The following PTN variants were observed in gnomAD, a reference collection of about 807,000 sequenced individuals.
PTN encodes the protein heparin affin regulatory protein.
A neutral mutation model predicts 24.1 loss-of-function variants in PTN; 18 were observed. That is an observed-to-expected ratio of 0.75 (90% CI 0.52 to 1.11). The LOEUF (loss-of-function observed/expected upper bound fraction) is 1.11, where lower values mean the gene tolerates loss of function less well. Ranked by LOEUF, PTN falls within the 50% of genes least tolerant of loss-of-function variation. The pLI is 0.00. For missense variants in PTN, 163 were observed against 198.8 expected (o/e 0.82, Z 1.08); for synonymous variants, 78 against 68.6 (o/e 1.14, Z -0.67).
Position 137,253,566 on chromosome 7 carries a change from C to T in PTN, c.187G>A (p.Gly63Arg). 1 of 1,612,144 alleles carries T rather than the reference C, an allele frequency of 6.2e-7. No individual in the cohort carries two copies. Among genetic ancestry groups the T allele is most frequent in the Non-Finnish European group, 8.5e-7 (1 of 1,179,078 alleles). Reference protein sequence around the residue: ...SVCVPTSGDCGLGTREGTRTG... With the variant: ...SVCVPTSGDCRLGTREGTRTG... ...CGAGTGCCCTCCCGTGTGCCCAGCC[C>T]ACAGTCTCCACTGGTGGGCACACAC... The change falls in exon 3 of 5, where the codon GGG becomes AGG. Residue 63 changes from glycine to arginine, a missense_variant. By Grantham distance (125) the Gly-to-Arg change is moderately radical. Coordinates refer to ENST00000348225, the MANE Select transcript of PTN (RefSeq NM_002825.7).
intron 1 of PTN, among the ~76,000 whole-genome samples, chr7:137,290,104 ATG>A (rs1276250901): frequency 2.0e-5 from 3 of 152,156 alleles, no homozygotes; most frequent in Admixed American, 6.6e-5. Flanking sequence ...TCTTACATGG[ATG>A]GCAGCAGCCA....
At chr7:137,229,383 C>T (rs1337900976) in intron 4 of PTN, among the ~76,000 whole-genome samples, 1 of 151,656 alleles carries the variant, frequency 6.6e-6, no homozygotes, top group Admixed American at 6.6e-5. Flanking sequence ...CAGCCTGTGT[C>T]CAAGAGGACC....
intron 1 of PTN, among the ~76,000 whole-genome samples, chr7:137,333,681 G>GA (rs1473678098): frequency 6.6e-6 from 1 of 152,016 alleles, no homozygotes; most frequent in Non-Finnish European, 1.5e-5. Context: ...CACAGAATTG[G>GA]AAAAAACTAC....
Position 137,227,480 on chromosome 7 carries a change from A to T in PTN, c.*540T>A, listed in dbSNP as rs1368022152. The stretch of plus-strand genomic sequence containing the variant: ...AATGCTTTTCTTTAAAAAAAAAAAA[A>T]GTCAACATTGAACTAGGACATGCTC... On this transcript the variant is annotated 3_prime_UTR_variant, in exon 5 of 5. Transcript: ENST00000348225. 1 of 150,508 alleles carries T rather than the reference A, an allele frequency of 6.6e-6. No individual in the cohort carries two copies. Among genetic ancestry groups the T allele is most frequent in the African/African-American group, 2.4e-5 (1 of 40,836 alleles). The allele number at this position is 150,508 out of a possible 1,614,324, so 9.3% of individuals were successfully genotyped here.
At chr7:137,320,165 A>G (rs1304725898) in intron 1 of PTN, among the ~76,000 whole-genome samples, 3 of 152,212 alleles carry the variant, frequency 2.0e-5, no homozygotes, top group Non-Finnish European at 4.4e-5. Flanking sequence ...CCTTTATACC[A>G]TGGGAGAATA....
chr7:137,292,682 C>A (rs559219296), intron 1 of PTN, among the ~76,000 whole-genome samples: 1 of 152,294 alleles, frequency 6.6e-6, no homozygotes, highest in South Asian at 2.1e-4. Flanking sequence ...ATGTAAATGG[C>A]TGCTATACTG....
At chr7:137,258,619 T>C (rs1808977632) in intron 1 of PTN, among the ~76,000 whole-genome samples, 1 of 152,218 alleles carries the variant, frequency 6.6e-6, no homozygotes, top group African/African-American at 2.4e-5. Context: ...TGATTAAATT[T>C]ATCCAAAAAT....
Position 137,253,631 on chromosome 7 carries a change from T to A in PTN, c.122A>T (p.Lys41Ile). Reference sequence around the variant, plus strand: ...TTCTCCACAGTCAGACTTCTTCACTTTTTTTTCTGAATGAAAGGAGGAAAA... The same window carrying A: ...TTCTCCACAGTCAGACTTCTTCACTATTTTTTCTGAATGAAAGGAGGAAAA... ...EAGKKEKPEK[K>I]VKKSDCGEWQ... The change falls in exon 3 of 5, where the codon AAA becomes ATA. Residue 41 changes from lysine to isoleucine, a missense_variant. Lys to Ile is a moderately radical substitution (Grantham distance 102, BLOSUM62 -3). Transcript: ENST00000348225. 1.3e-6 allele frequency: 2 copies of A among 1,542,508 alleles called. No homozygotes were observed. Among genetic ancestry groups the A allele is most frequent in the African/African-American group, 1.4e-5 (1 of 73,104 alleles).
intron 1 of PTN, among the ~76,000 whole-genome samples, chr7:137,281,125 A>ATG (rs1335194937): frequency 6.6e-6 from 1 of 152,166 alleles, no homozygotes; most frequent in Non-Finnish European, 1.5e-5. Flanking sequence ...CAGCCAAGTT[A>ATG]TGTTAGAACA....
intron 1 of PTN, among the ~76,000 whole-genome samples, chr7:137,314,103 T>C (rs1810029246): frequency 6.6e-6 from 1 of 152,110 alleles, no homozygotes; most frequent in Non-Finnish European, 1.5e-5. Flanking sequence ...GACTAGAAAA[T>C]CTCAGTAGAA....
chr7:137,326,495 G>A (rs1487553198), intron 1 of PTN: 1 of 152,064 alleles, frequency 6.6e-6, no homozygotes, highest in Non-Finnish European at 1.5e-5. Context: ...TTACACCAAG[G>A]CATCAGCAAT....
intron 1 of PTN, among the ~76,000 whole-genome samples, chr7:137,334,615 C>G (rs1562974357): frequency 8.9e-6 from 1 of 112,942 alleles, no homozygotes; most frequent in African/African-American, 3.2e-5. Flanking sequence ...CTAGTTCAAC[C>G]ATTGTGGAAG....
rs1468179826 is a variant in PTN at position 137,327,624 on chromosome 7, C to T, written c.-2+15815G>A. Among the ~76,000 whole-genome samples, 3 of 152,084 alleles carry T rather than the reference C, an allele frequency of 2.0e-5. No individual in the cohort carries two copies. The East Asian group carries it at 5.8e-4, about 29-fold the overall frequency. ...CCGCCTGGGCAATATAGCAAGACCC[C>T]ATCTCTAAAAGAAAAAGAAAAGAAA... On this transcript the variant is annotated intron_variant, in intron 1 of 4. Coordinates refer to ENST00000348225, the MANE Select transcript of PTN (RefSeq NM_002825.7).
At chr7:137,241,378 G>T (rs1808625622) in intron 4 of PTN, among the ~76,000 whole-genome samples, 1 of 152,102 alleles carries the variant, frequency 6.6e-6, no homozygotes, top group Non-Finnish European at 1.5e-5. Context: ...TGTGAGCAAT[G>T]CACTAAACTT....
intron 1 of PTN, among the ~76,000 whole-genome samples, chr7:137,272,253 T>C (rs190884176): frequency 1.8e-4 from 27 of 152,384 alleles, no homozygotes; most frequent in African/African-American, 5.3e-4. Flanking sequence ...CCTTTCAGTC[T>C]GTCTTTTCCA....
At chr7:137,317,493 C>T (rs1810091581) in intron 1 of PTN, among the ~76,000 whole-genome samples, 2 of 152,194 alleles carry the variant, frequency 1.3e-5, no homozygotes, top group African/African-American at 2.4e-5. Flanking sequence ...CTATACTTCA[C>T]ATCTCCTGAC....
chr7:137,277,883 GTAGATAGATAGATAGATGAGATGA>G (rs1225761120), intron 1 of PTN, among the ~76,000 whole-genome samples: 3 of 60,402 alleles, frequency 5.0e-5, no homozygotes, highest in South Asian at 8.2e-4. Flanking sequence ...AAATATATAT[GTAGATAGATAGATAGATGAGATGA>G]TAGATAGATA....
At chr7:137,297,746 G>T (rs1254297753) in intron 1 of PTN, among the ~76,000 whole-genome samples, 1 of 151,986 alleles carries the variant, frequency 6.6e-6, no homozygotes, top group Non-Finnish European at 1.5e-5. Flanking sequence ...GAAGGCAGAC[G>T]GCAAACGAAT....
intron 1 of PTN, among the ~76,000 whole-genome samples, chr7:137,262,453 T>A (rs1809058543): frequency 6.6e-6 from 1 of 152,120 alleles, no homozygotes; most frequent in Admixed American, 6.5e-5. Flanking sequence ...TGATGCTCTT[T>A]TACATTTTAT....
Sources: allele counts gnomAD v4.1 joint callset (sites outside exome capture counted in the v4.1 genomes callset), GRCh38; gene constraint gnomAD v4.1.1; transcripts MANE v1.5; gene names NCBI Gene and HGNC (gene_info 2026-07-23, HGNC 2026-07-21).